The following MACROD2 variants were observed in gnomAD, a reference collection of about 807,000 sequenced individuals.
MACROD2 encodes the protein mono-ADP ribosylhydrolase 2, also known as ADP-ribose glycohydrolase MACROD2.
MACROD2 carries 36 observed loss-of-function variants against 70.4 expected under a neutral mutation model. The ratio of observed to expected loss-of-function variants is 0.51; its 90% CI spans 0.39 to 0.68. The LOEUF is 0.68. Ranked by LOEUF, MACROD2 falls within the 30% of genes least tolerant of loss-of-function variation. The pLI is 0.00. For synonymous variants in MACROD2, 172 were observed against 178.8 expected (o/e 0.96, Z 0.30); for missense variants, 496 against 538.4 (o/e 0.92, Z 0.78).
chr20:14,590,949 A>G (rs1004495982), intron 4 of MACROD2, among the ~76,000 whole-genome samples: 5 of 152,184 alleles, frequency 3.3e-5, no homozygotes, highest in African/African-American at 7.2e-5. Flanking sequence ...ATTTGATTTT[A>G]GAGACATACA....
chr20:14,613,858 A>G (rs538201474), intron 4 of MACROD2, among the ~76,000 whole-genome samples: 1 of 152,098 alleles, frequency 6.6e-6, no homozygotes, highest in Non-Finnish European at 1.5e-5. Flanking sequence ...TTACTTATCT[A>G]GCTCATTTTT....
intron 9 of MACROD2, among the ~76,000 whole-genome samples, chr20:15,879,671 T>G (rs2064726047): frequency 6.6e-6 from 1 of 152,258 alleles, no homozygotes; most frequent in Non-Finnish European, 1.5e-5. Context: ...ACCTTGTATA[T>G]TAGTCAGGTT....
intron 6 of MACROD2, among the ~76,000 whole-genome samples, chr20:15,380,671 A>G (rs1353287432): frequency 6.6e-6 from 1 of 152,172 alleles, no homozygotes; most frequent in African/African-American, 2.4e-5. Flanking sequence ...TGATAACATT[A>G]TATTGTGCAC....
intron 3 of MACROD2, among the ~76,000 whole-genome samples, chr20:14,334,000 A>G (rs2082890429): frequency 6.6e-6 from 1 of 152,238 alleles, no homozygotes; most frequent in Non-Finnish European, 1.5e-5. Flanking sequence ...GAGTGAGAGC[A>G]ATTTCTCCCT....
chr20:15,807,228 G>A (rs1046177625), intron 8 of MACROD2, among the ~76,000 whole-genome samples: 6 of 152,190 alleles, frequency 3.9e-5, no homozygotes, highest in African/African-American at 1.2e-4. Context: ...ATAGGTCCCA[G>A]GAGTCTTAGG....
At chr20:14,528,419 G>T (rs1420307666) in intron 4 of MACROD2, among the ~76,000 whole-genome samples, 12 of 151,396 alleles carry the variant, frequency 7.9e-5, no homozygotes, top group Non-Finnish European at 1.5e-5. Flanking sequence ...CTCCCAAAGT[G>T]CTGGGATTAC....
intron 5 of MACROD2, among the ~76,000 whole-genome samples, chr20:14,919,144 G>A (rs962236926): frequency 7.2e-5 from 11 of 152,116 alleles, no homozygotes; most frequent in African/African-American, 1.9e-4. Context: ...GATGGATACC[G>A]TCACTTTTCA....
At chr20:15,548,341 A>G (rs2048051642) in intron 8 of MACROD2, among the ~76,000 whole-genome samples, 1 of 152,108 alleles carries the variant, frequency 6.6e-6, no homozygotes, top group South Asian at 2.1e-4. Flanking sequence ...TGAGAGGAGG[A>G]GTCTGTGTTC....
At chr20:16,011,598 G>C (rs981323145) in intron 15 of MACROD2, among the ~76,000 whole-genome samples, 2 of 152,212 alleles carry the variant, frequency 1.3e-5, no homozygotes, top group African/African-American at 4.8e-5. Flanking sequence ...GAGTTGACTG[G>C]GAGAGCCATC....
chr20:15,257,380 A>G (rs1382349414), intron 6 of MACROD2, among the ~76,000 whole-genome samples: 3 of 152,068 alleles, frequency 2.0e-5, no homozygotes, highest in Admixed American at 6.6e-5. Flanking sequence ...TCGGCAACCT[A>G]CAAATGACAC....
chr20:15,056,298 G>A (rs145460411), intron 5 of MACROD2, among the ~76,000 whole-genome samples: 1 of 152,254 alleles, frequency 6.6e-6, no homozygotes, highest in Non-Finnish European at 1.5e-5. Flanking sequence ...GGCTATTTGT[G>A]GGAAACCTCA....
chr20:14,603,384 A>G (rs908284122), intron 4 of MACROD2, among the ~76,000 whole-genome samples: 1 of 152,182 alleles, frequency 6.6e-6, no homozygotes, highest in Non-Finnish European at 1.5e-5. Flanking sequence ...AGGGCTGGCT[A>G]CTGGTAGAGA....
chr20:14,140,713 G>A (rs1017854448), intron 3 of MACROD2, among the ~76,000 whole-genome samples: 2 of 152,112 alleles, frequency 1.3e-5, no homozygotes, highest in Non-Finnish European at 2.9e-5. Context: ...ACACCTGTGG[G>A]TGGGAGCTGG....
intron 6 of MACROD2, among the ~76,000 whole-genome samples, chr20:15,307,946 T>C (rs2077714011): frequency 8.4e-6 from 1 of 119,130 alleles, no homozygotes; most frequent in Non-Finnish European, 1.8e-5. Context: ...CTAATTTTGA[T>C]CTGTTCAGTT....
At chr20:15,202,558 A>G (rs772124658) in intron 5 of MACROD2, among the ~76,000 whole-genome samples, 6 of 152,120 alleles carry the variant, frequency 3.9e-5, no homozygotes, top group Non-Finnish European at 7.4e-5. Flanking sequence ...AAGTTCATCT[A>G]TTTTTTAAAA....
chr20:14,029,299 G>GA lies in MACROD2; in HGVS notation c.163+26901dup, dbSNP rs1403311350. 7.2e-5 allele frequency among the ~76,000 whole-genome samples: 11 copies of GA among 152,196 alleles called. No homozygotes were observed. In the East Asian group the frequency reaches 1.4e-3, roughly 19 times the overall value. On this transcript the variant is annotated intron_variant, in intron 2 of 17. Coordinates refer to ENST00000684519, the MANE Select transcript of MACROD2 (RefSeq NM_001351661.2). Reference sequence around the variant, plus strand: ...TTTCAGAGAAGTTAACATGTTAGGGGAAAAAACGCATCATAGAATTGAACA... The same window carrying GA: ...TTTCAGAGAAGTTAACATGTTAGGGGAAAAAAACGCATCATAGAATTGAACA...
intron 8 of MACROD2, among the ~76,000 whole-genome samples, chr20:15,634,714 T>C (rs459716): frequency 0.86 from 131,523 of 152,160 alleles, 57,571 homozygotes; most frequent in Non-Finnish European, 0.94. Context: ...TGTCGGATAT[T>C]GTCAGTTATC....
chr20:15,886,025 C>A (rs1437508400), intron 10 of MACROD2, among the ~76,000 whole-genome samples: 2 of 152,016 alleles, frequency 1.3e-5, no homozygotes, highest in African/African-American at 2.4e-5. Flanking sequence ...TTCCTGACAG[C>A]GAAGGTAAAA....
intron 7 of MACROD2, among the ~76,000 whole-genome samples, chr20:15,435,289 T>A (rs1000246993): frequency 2.6e-5 from 4 of 152,142 alleles, no homozygotes; most frequent in Non-Finnish European, 5.9e-5. Context: ...TATTCAAGTA[T>A]CTCATGAGAT....
Sources: allele counts gnomAD v4.1 joint callset (sites outside exome capture counted in the v4.1 genomes callset), GRCh38; gene constraint gnomAD v4.1.1; transcripts MANE v1.5; gene names NCBI Gene and HGNC (gene_info 2026-07-23, HGNC 2026-07-21).